The following PLIN3 variants were observed in gnomAD, a reference collection of about 807,000 sequenced individuals.
The protein encoded by PLIN3 is perilipin 3.
In PLIN3, 30 loss-of-function variants were observed where a neutral mutation model predicts 35.9. The ratio of observed to expected loss-of-function variants is 0.84; its 90% CI spans 0.62 to 1.13. The LOEUF is 1.13. Among genes scored for constraint, PLIN3 ranks in the 50% most tolerant of loss-of-function variants. PLIN3 has a pLI of 0.00. For synonymous variants in PLIN3, 261 were observed against 262.5 expected, an observed-to-expected ratio of 0.99 and a Z score of 0.06; for missense variants, 603 against 596.9, an observed-to-expected ratio of 1.01 and a Z score of -0.11.
chr19:4,865,659 A>G (rs2030821446), intron 1 of PLIN3, among the ~76,000 whole-genome samples: 1 of 151,688 alleles, frequency 6.6e-6, no homozygotes, highest in Non-Finnish European at 1.5e-5. Context: ...AGCAGAACCC[A>G]GCAAAATGAT....
rs1424615071 is a variant in PLIN3 at position 4,859,823 on chromosome 19, C to T, written c.265+3G>A. ...ATTCAGTGCCCCCTGGGACTTCACC[C>T]ACTCTGGGGCTCCAGCTTGGAGAGG... On this transcript the variant is annotated splice_donor_region_variant and intron_variant, in intron 3 of 7. Coordinates refer to ENST00000221957, the MANE Select transcript of PLIN3 (RefSeq NM_005817.5). 1.9e-6 allele frequency: 3 copies of T among 1,613,050 alleles called. No individual in the cohort carries two copies. Among genetic ancestry groups the T allele is most frequent in the Non-Finnish European group, 2.5e-6 (3 of 1,179,918 alleles).
chr19:4,866,056 C>T (rs868846936), intron 1 of PLIN3, among the ~76,000 whole-genome samples: 5 of 149,280 alleles, frequency 3.3e-5, no homozygotes, highest in Admixed American at 6.7e-5. Flanking sequence ...CTTGCTCTGT[C>T]GCCCAGGCTG....
At chr19:4,844,368 A>T (rs2030012393) in intron 7 of PLIN3, among the ~76,000 whole-genome samples, 1 of 152,148 alleles carries the variant, frequency 6.6e-6, no homozygotes, top group Non-Finnish European at 1.5e-5. Context: ...AGGGAGGCTG[A>T]GGCAGGAGAA....
intron 1 of PLIN3, among the ~76,000 whole-genome samples, chr19:4,865,797 C>T (rs996701891): frequency 2.0e-5 from 3 of 149,288 alleles, no homozygotes; most frequent in African/African-American, 4.9e-5. Flanking sequence ...GATCTCAGCT[C>T]ACTGCAAGCT....
Position 4,839,153 on chromosome 19 carries a change from A to C in PLIN3, c.*39T>G. On this transcript the variant is annotated 3_prime_UTR_variant, in exon 8 of 8. Transcript: ENST00000221957. The stretch of plus-strand genomic sequence containing the variant: ...GTTGAGGACTCCAGAGCACAGCTGC[A>C]TTATAGAGACGGGGCCCGCTGAGTC... 1 of 1,510,758 alleles carries C rather than the reference A, an allele frequency of 6.6e-7. No individual in the cohort carries two copies. The highest frequency in any genetic ancestry group is 9.0e-7 in the Non-Finnish European group (1 of 1,106,322). 93.6% of individuals were successfully genotyped at this position (1,510,758 alleles called of 1,614,324 possible).
At chr19:4,841,157 G>A (rs1053054026) in intron 7 of PLIN3, among the ~76,000 whole-genome samples, 1 of 152,128 alleles carries the variant, frequency 6.6e-6, no homozygotes, top group Non-Finnish European at 1.5e-5. Flanking sequence ...GGAAACATAC[G>A]TCCACACACA....
intron 4 of PLIN3, among the ~76,000 whole-genome samples, chr19:4,854,541 C>T (rs529597755): frequency 6.3e-4 from 96 of 152,172 alleles, no homozygotes; most frequent in African/African-American, 2.3e-3. Flanking sequence ...GCAGCTGGGA[C>T]TACAGGCGTG....
chr19:4,841,326 T>C (rs909801659), intron 7 of PLIN3, among the ~76,000 whole-genome samples: 1 of 152,072 alleles, frequency 6.6e-6, no homozygotes, highest in Non-Finnish European at 1.5e-5. Flanking sequence ...GGGTGAGCCC[T>C]AAGGACGTCA....
At chr19:4,843,370 T>C (rs1040252174) in intron 7 of PLIN3, among the ~76,000 whole-genome samples, 3 of 151,724 alleles carry the variant, frequency 2.0e-5, no homozygotes, top group African/African-American at 7.3e-5. Flanking sequence ...TAGCTGGGCC[T>C]GGTGGCGGGC....
chr19:4,839,337 A>G lies in PLIN3; in HGVS notation c.1160T>C (p.Leu387Pro). 2 of 1,613,986 alleles carry G rather than the reference A, an allele frequency of 1.2e-6. No individual in the cohort carries two copies. The highest frequency in any genetic ancestry group is 1.7e-5 in the Admixed American group (1 of 60,000). The change falls in exon 8 of 8, where the codon CTG becomes CCG. Residue 387 changes from leucine (L) to proline (P), a missense_variant. Coordinates refer to ENST00000221957, the MANE Select transcript of PLIN3 (RefSeq NM_005817.5). ...GGCGACACGCTCACGGCTCTGGGCC[A>G]GAATGCTGCTGGACAGGTCCTGGAA... ...HSFQDLSSSI[L>P]AQSRERVASA...
rs11552104 is a variant in PLIN3 at position 4,859,619 on chromosome 19, G to T, written c.319C>A (p.Leu107Ile). ...HRGLDKLEEN[L>I]PILQQPTEKV... ...TCCGTGGGCTGCTGCAGGATGGGGA[G>T]GTTCTCCTCCAACTTGTCCAGCCCC... The change falls in exon 4 of 8, where the codon CTC becomes ATC. Residue 107 changes from leucine (L) to isoleucine (I), a missense_variant. Transcript: ENST00000221957. 4.6e-3 allele frequency: 7,403 copies of T among 1,614,180 alleles called. 28 individuals are homozygous for T. The highest frequency in any genetic ancestry group is 0.015 in the Middle Eastern group (89 of 6,060).
intron 6 of PLIN3, 68 bp downstream of exon 6, chr19:4,847,623 G>A: frequency 7.4e-7 from 1 of 1,354,208 alleles, no homozygotes; most frequent in Non-Finnish European, 1.0e-6. Context: ...AAGCCACTGA[G>A]CTCTGGGTGG....
intron 4 of PLIN3, among the ~76,000 whole-genome samples, chr19:4,855,891 C>T (rs1018448507): frequency 3.3e-5 from 5 of 150,006 alleles, no homozygotes; most frequent in Non-Finnish European, 7.4e-5. Flanking sequence ...CGCCACTGCA[C>T]TCTAGCTTGG....
intron 4 of PLIN3, among the ~76,000 whole-genome samples, chr19:4,856,984 C>A (rs983903883): frequency 2.0e-5 from 3 of 151,972 alleles, no homozygotes; most frequent in Non-Finnish European, 4.4e-5. Flanking sequence ...GGGAGTAAGG[C>A]GTGAGCCACC....
chr19:4,843,273 GA>G (rs2029966150), intron 7 of PLIN3, among the ~76,000 whole-genome samples: 1 of 151,948 alleles, frequency 6.6e-6, no homozygotes, highest in Non-Finnish European at 1.5e-5. Flanking sequence ...TTGGGAGGCC[GA>G]GGCGGGCGGA....
chr19:4,859,196 G>A (rs893849260), intron 4 of PLIN3, among the ~76,000 whole-genome samples: 1 of 152,120 alleles, frequency 6.6e-6, no homozygotes. Context: ...GTAAATAAAT[G>A]GGCATGGCTG....
intron 4 of PLIN3, among the ~76,000 whole-genome samples, chr19:4,853,416 C>T (rs367941147): frequency 1.1e-4 from 16 of 152,160 alleles, no homozygotes; most frequent in South Asian, 4.1e-4. Flanking sequence ...ACCTCTGCCA[C>T]GTGGGTTCAG....
rs557164777 is a variant in PLIN3, at chr19:4,858,002, C to T, written c.348+1588G>A. 2.3e-3 allele frequency among the ~76,000 whole-genome samples: 340 copies of T among 145,524 alleles called. 2 individuals are homozygous for T. Among genetic ancestry groups the T allele is most frequent in the African/African-American group, 8.2e-3 (322 of 39,246 alleles). On this transcript the variant is annotated intron_variant, in intron 4 of 7. Coordinates refer to ENST00000221957, the MANE Select transcript of PLIN3 (RefSeq NM_005817.5). Reference sequence around the variant, plus strand: ...AAAAAAAAAAAGAGGGGGCCGGGCACAGTGGCTCATGCCTGTAATCCCAGC... The same window carrying T: ...AAAAAAAAAAAGAGGGGGCCGGGCATAGTGGCTCATGCCTGTAATCCCAGC...
chr19:4,842,496 A>G (rs1215590845), intron 7 of PLIN3, among the ~76,000 whole-genome samples: 1 of 147,682 alleles, frequency 6.8e-6, no homozygotes, highest in African/African-American at 2.5e-5. Context: ...GCTACTCGGG[A>G]GGCTGAGGCA....
Sources: gnomAD v4.1 joint callset for allele counts (sites outside exome capture counted in the v4.1 genomes callset) on GRCh38, gnomAD v4.1.1 for gene constraint, MANE v1.5 for transcripts, NCBI Gene and HGNC (gene_info 2026-07-23, HGNC 2026-07-21) for gene names.